NIBAN1: variants seen among roughly 807,000 people sequenced by gnomAD.
The protein encoded by NIBAN1 is niban apoptosis regulator 1.
Under a neutral mutation model 75.1 loss-of-function variants are expected in NIBAN1, and 81 were observed. The observed-to-expected ratio is 1.08, with a 90% CI of 0.90 to 1.30. NIBAN1 has a LOEUF of 1.30. Ranked by LOEUF, NIBAN1 falls within the 50% of genes most tolerant of loss-of-function variation. The pLI is 0.00. For synonymous variants in NIBAN1, 436 were observed against 424.8 expected, an observed-to-expected ratio of 1.03 and a Z score of -0.32; for missense variants, 1,133 against 1,128.1, an observed-to-expected ratio of 1.00 and a Z score of -0.06.
At chr1:184,797,284 T>G (rs1191112084) in intron 13 of NIBAN1, among the ~76,000 whole-genome samples, 2 of 151,782 alleles carry the variant, frequency 1.3e-5, no homozygotes, top group Non-Finnish European at 2.9e-5. Context: ...GGATTACAGG[T>G]GTACACCACC....
chr1:184,956,029 G>GTTTTT (rs778756407), intron 1 of NIBAN1, among the ~76,000 whole-genome samples: 1 of 91,672 alleles, frequency 1.1e-5, no homozygotes, highest in South Asian at 3.2e-4. Context: ...TTTTCTTTTT[G>GTTTTT]TTTGTTTTTT....
chr1:184,872,805 A>T (rs1278078781), intron 5 of NIBAN1, among the ~76,000 whole-genome samples: 1 of 152,232 alleles, frequency 6.6e-6, no homozygotes, highest in African/African-American at 2.4e-5. Flanking sequence ...AGAGGAAAAG[A>T]GGAAATAATG....
At chr1:184,895,359 T>C (rs1656771426) in intron 2 of NIBAN1, among the ~76,000 whole-genome samples, 1 of 152,148 alleles carries the variant, frequency 6.6e-6, no homozygotes, top group Non-Finnish European at 1.5e-5. Context: ...GGCCTCACGA[T>C]AGACTTACTA....
chr1:184,892,249 A>G (rs1051359259), intron 3 of NIBAN1, among the ~76,000 whole-genome samples: 3 of 152,270 alleles, frequency 2.0e-5, no homozygotes, highest in East Asian at 3.9e-4. Flanking sequence ...ACATTCATTC[A>G]CTTACTCCTC....
At chr1:184,877,285 A>G (rs1280434297) in intron 5 of NIBAN1, among the ~76,000 whole-genome samples, 1 of 152,176 alleles carries the variant, frequency 6.6e-6, no homozygotes, top group African/African-American at 2.4e-5. Context: ...TTAAAAACAC[A>G]CAAAATGATT....
chr1:184,940,085 G>A (rs1273731072), intron 1 of NIBAN1, among the ~76,000 whole-genome samples: 1 of 152,188 alleles, frequency 6.6e-6, no homozygotes, highest in African/African-American at 2.4e-5. Context: ...AGAAGGCAAT[G>A]TCTCCAGATG....
Position 184,808,062 on chromosome 1 carries a change from T to A in NIBAN1, c.1335+12A>T, listed in dbSNP as rs1553215106. On this transcript the variant is annotated intron_variant, in intron 10 of 13. Coordinates refer to ENST00000367511, the MANE Select transcript of NIBAN1 (RefSeq NM_052966.4). The stretch of plus-strand genomic sequence containing the variant: ...TACCCTCATCCACCACGGATGCCCC[T>A]GCCACACCCACCTCCTGCATGTAGT... The A allele has an allele frequency of 1.9e-6, 3 of 1,613,488 alleles. No individual in the cohort carries two copies. The highest frequency in any genetic ancestry group is 2.5e-6 in the Non-Finnish European group (3 of 1,179,612).
At chr1:184,912,771 G>A (rs1378431793) in intron 1 of NIBAN1, among the ~76,000 whole-genome samples, 2 of 152,150 alleles carry the variant, frequency 1.3e-5, no homozygotes, top group Non-Finnish European at 2.9e-5. Flanking sequence ...TGATTTTTAT[G>A]AGACTGACAG....
At chr1:184,871,274 G>A (rs1283830155) in intron 5 of NIBAN1, among the ~76,000 whole-genome samples, 1 of 150,182 alleles carries the variant, frequency 6.7e-6, no homozygotes, top group African/African-American at 2.4e-5. Context: ...TTGAACCTGG[G>A]AGGTGGAGGG....
chr1:184,892,058 CCAA>C (rs1365966871), intron 3 of NIBAN1, among the ~76,000 whole-genome samples: 1 of 152,168 alleles, frequency 6.6e-6, no homozygotes, highest in East Asian at 1.9e-4. Flanking sequence ...AGGAAAAACA[CCAA>C]CATTTGATTC....
intron 6 of NIBAN1, among the ~76,000 whole-genome samples, chr1:184,827,467 T>C (rs1422575165): frequency 1.3e-5 from 2 of 151,612 alleles, no homozygotes; most frequent in Non-Finnish European, 2.9e-5. Flanking sequence ...GCTAATCTAA[T>C]AAATAAATTG....
intron 1 of NIBAN1, among the ~76,000 whole-genome samples, chr1:184,956,532 C>T (rs990370815): frequency 6.6e-6 from 1 of 152,172 alleles, no homozygotes. Flanking sequence ...TTTCGTAGCA[C>T]ATTTAAGTTG....
rs1653737568 is a variant in NIBAN1, at chr1:184,792,985, TCTTTA to T, written c.*1987_*1991del. The T allele has an allele frequency of 1.3e-5, 2 of 152,326 alleles. No individual in the cohort carries two copies. Among genetic ancestry groups the T allele is most frequent in the Non-Finnish European group, 2.9e-5 (2 of 68,042 alleles). 9.4% of individuals were successfully genotyped at this position (152,326 alleles called of 1,614,324 possible). A position where few individuals can be genotyped will look rare whatever the true frequency, so the allele number is the denominator to read the frequency against. On this transcript the variant is annotated 3_prime_UTR_variant, in exon 14 of 14. Transcript: ENST00000367511. Reference sequence around the variant, plus strand: ...AAAGCAGAGACTGGGGGAGAAGTGGTCTTTACTTCCTTCACCTGTGGTGGGATCCC... The same window carrying T: ...AAAGCAGAGACTGGGGGAGAAGTGGTCTTCCTTCACCTGTGGTGGGATCCC...
chr1:184,914,157 T>C (rs1657320738), intron 1 of NIBAN1, among the ~76,000 whole-genome samples: 1 of 152,234 alleles, frequency 6.6e-6, no homozygotes, highest in Non-Finnish European at 1.5e-5. Flanking sequence ...CACAAGATTC[T>C]ACTTCAGAAA....
intron 1 of NIBAN1, among the ~76,000 whole-genome samples, chr1:184,973,558 T>A (rs1339434295): frequency 6.6e-6 from 1 of 152,102 alleles, no homozygotes; most frequent in South Asian, 2.1e-4. Context: ...ATAAAGGAGA[T>A]AACGAGTCAG....
At chr1:184,833,100 G>T (rs1655042408) in intron 5 of NIBAN1, among the ~76,000 whole-genome samples, 1 of 151,858 alleles carries the variant, frequency 6.6e-6, no homozygotes, top group African/African-American at 2.4e-5. Context: ...ACATTACATT[G>T]GTGATTTGGA....
rs1377120638 is a variant in NIBAN1, at chr1:184,799,288, C to A, written c.1555-1098G>T. On this transcript the variant is annotated intron_variant, in intron 12 of 13. Transcript: ENST00000367511. ...ATTCCCACCTATGAGTGAGAATATGCGGTGTTTGGTTTTTTGTTCTTGCGA... is the reference window on the plus strand; with the variant it reads ...ATTCCCACCTATGAGTGAGAATATGAGGTGTTTGGTTTTTTGTTCTTGCGA... 2.7e-5 allele frequency among the ~76,000 whole-genome samples: 4 copies of A among 148,912 alleles called. No individual in the cohort carries two copies. The Admixed American group carries it at 2.7e-4, about 10-fold the overall frequency.
chr1:184,795,336 GC>G lies in NIBAN1; in HGVS notation c.2427del (p.Met811TrpfsTer36). Reference sequence around the variant, plus strand: ...TCTCCTGGGAGCTCCCCCTCCATGGGCCCCAGGGGCTCCTCGGTGAGCCCTC... The same window carrying G: ...TCTCCTGGGAGCTCCCCCTCCATGGGCCCAGGGGCTCCTCGGTGAGCCCTC... The part of the protein sequence containing the change: ...ASGGLTEEPL[G>X]PMEGELPGEA... On this transcript the variant is annotated frameshift_variant, in exon 14 of 14. Transcript: ENST00000367511. LOFTEE classifies it low-confidence loss of function (END_TRUNC). 1 of 1,609,840 alleles carries G rather than the reference GC, an allele frequency of 6.2e-7. No individual in the cohort carries two copies. Among genetic ancestry groups the G allele is most frequent in the African/African-American group, 1.3e-5 (1 of 74,868 alleles).
At chr1:184,959,247 A>G (rs1261776836) in intron 1 of NIBAN1, among the ~76,000 whole-genome samples, 1 of 151,982 alleles carries the variant, frequency 6.6e-6, no homozygotes, top group Non-Finnish European at 1.5e-5. Context: ...TCCTCTCCCA[A>G]CTCCATGGAG....
Sources: gnomAD v4.1 joint callset for allele counts (sites outside exome capture counted in the v4.1 genomes callset) on GRCh38, gnomAD v4.1.1 for gene constraint, MANE v1.5 for transcripts, NCBI Gene and HGNC (gene_info 2026-07-23, HGNC 2026-07-21) for gene names.